The following INPP4B variants were observed in gnomAD, a reference collection of about 807,000 sequenced individuals.
The protein encoded by INPP4B is inositol polyphosphate 4-phosphatase type II.
INPP4B carries 55 observed loss-of-function variants against 122.5 expected under a neutral mutation model. The observed-to-expected ratio is 0.45, with a 90% CI of 0.36 to 0.56. INPP4B has a LOEUF of 0.56. INPP4B is among the 20% of genes least tolerant of loss of function. The pLI, the probability that INPP4B is intolerant of heterozygous loss-of-function variation, is 0.00. For missense variants in INPP4B, 1,000 were observed against 1,097.7 expected, an observed-to-expected ratio of 0.91 and a Z score of 1.26; for synonymous variants, 403 against 388.7, an observed-to-expected ratio of 1.04 and a Z score of -0.43.
At chr4:142,114,184 T>C (rs1791750959) in intron 21 of INPP4B, among the ~76,000 whole-genome samples, 1 of 152,074 alleles carries the variant, frequency 6.6e-6, no homozygotes, top group African/African-American at 2.4e-5. Flanking sequence ...ATTGTATCGA[T>C]ATCACTTTTT....
intron 14 of INPP4B, among the ~76,000 whole-genome samples, chr4:142,205,435 A>T (rs1166870748): frequency 1.3e-5 from 2 of 152,134 alleles, no homozygotes; most frequent in African/African-American, 4.8e-5. Flanking sequence ...TCTTTAAGTC[A>T]TCTTTAATCT....
chr4:142,034,290 T>C (rs1446500316), intron 25 of INPP4B, among the ~76,000 whole-genome samples: 1 of 151,940 alleles, frequency 6.6e-6, no homozygotes, highest in Non-Finnish European at 1.5e-5. Flanking sequence ...GGAGTGGGGG[T>C]ACTGCTACTG....
intron 12 of INPP4B, among the ~76,000 whole-genome samples, chr4:142,226,518 C>T (rs922954486): frequency 6.6e-6 from 1 of 152,254 alleles, no homozygotes; most frequent in East Asian, 1.9e-4. Flanking sequence ...TCTTCCCTTC[C>T]TAAAAGATAA....
At chr4:142,066,361 G>C (rs925902986) in intron 25 of INPP4B, among the ~76,000 whole-genome samples, 1 of 152,182 alleles carries the variant, frequency 6.6e-6, no homozygotes, top group African/African-American at 2.4e-5. Flanking sequence ...TGTTAAAAAT[G>C]TAACAATATC....
rs1768427377 is a variant in INPP4B, at chr4:142,318,007, G to C, written c.373-3245C>G. 2.0e-5 allele frequency among the ~76,000 whole-genome samples: 3 copies of C among 152,146 alleles called. No individual in the cohort carries two copies. In the South Asian group the frequency reaches 6.2e-4, roughly 31 times the overall value. On this transcript the variant is annotated intron_variant, in intron 7 of 25. Transcript: ENST00000262992. ...ATGAGGGAAGGCATTGAATAGTAGA[G>C]TGGCATGATCAGAGCCCTTGACACA... is the stretch of plus-strand genomic sequence containing the variant.
chr4:142,579,743 T>A (rs1734598753), intron 2 of INPP4B, among the ~76,000 whole-genome samples: 1 of 151,606 alleles, frequency 6.6e-6, no homozygotes, highest in Non-Finnish European at 1.5e-5. Context: ...AGAATTAAAC[T>A]CTTAGCTCTC....
intron 2 of INPP4B, among the ~76,000 whole-genome samples, chr4:142,603,559 A>T (rs1303371593): frequency 6.6e-6 from 1 of 152,100 alleles, no homozygotes; most frequent in Non-Finnish European, 1.5e-5. Context: ...AATGAAAAAA[A>T]GATCATCAGA....
intron 1 of INPP4B, among the ~76,000 whole-genome samples, chr4:142,831,045 T>G (rs967708820): frequency 6.6e-6 from 1 of 151,196 alleles, no homozygotes; most frequent in Non-Finnish European, 1.5e-5. Context: ...AAAAAATAGA[T>G]GCAAGAGTGT....
chr4:142,623,328 G>A (rs1745400150), intron 2 of INPP4B, among the ~76,000 whole-genome samples: 1 of 151,868 alleles, frequency 6.6e-6, no homozygotes, highest in African/African-American at 2.4e-5. Context: ...CCTAATTACA[G>A]GAATCTTCCT....
At chr4:142,287,389 A>G (rs1250763026) in intron 9 of INPP4B, 1 of 152,202 alleles carries the variant, frequency 6.6e-6, no homozygotes, top group Admixed American at 6.5e-5. Flanking sequence ...GGAGTTCATA[A>G]GCGTCGGCTG....
At chr4:142,593,534 G>T (rs1288018702) in intron 2 of INPP4B, among the ~76,000 whole-genome samples, 1 of 151,874 alleles carries the variant, frequency 6.6e-6, no homozygotes, top group Non-Finnish European at 1.5e-5. Flanking sequence ...TTTCAATCCT[G>T]TATCAGTCAA....
chr4:142,830,988 C>A (rs960541359), intron 1 of INPP4B, among the ~76,000 whole-genome samples: 3 of 151,736 alleles, frequency 2.0e-5, no homozygotes, highest in Non-Finnish European at 2.9e-5. Context: ...CACCACTGCA[C>A]TCCAGCCTGG....
chr4:142,081,691 T>C lies in INPP4B; in HGVS notation c.2642+340A>G, dbSNP rs796988798. Among the ~76,000 whole-genome samples the C allele has an allele frequency of 2.6e-5, 4 of 152,096 alleles. No homozygotes were observed. In the South Asian group the frequency reaches 6.2e-4, roughly 24 times the overall value. On this transcript the variant is annotated intron_variant, in intron 25 of 25. Transcript: ENST00000262992. Reference sequence around the variant, plus strand: ...AAACTTGCTCTTACAGTGTTATATATGAGATTTTCGGGGCCCCTTAACTTG... The same window carrying C: ...AAACTTGCTCTTACAGTGTTATATACGAGATTTTCGGGGCCCCTTAACTTG...
rs1200701380 is a variant in INPP4B, at chr4:142,537,429, T to TATATATATATATAG, written c.-190-74704_-190-74703insCTATATATATATAT. Among the ~76,000 whole-genome samples the TATATATATATATAG allele has an allele frequency of 2.6e-3, 67 of 25,474 alleles. 1 individual carries two copies. The highest frequency in any genetic ancestry group is 0.038 in the Middle Eastern group (1 of 26). 16.7% of individuals were successfully genotyped at this position (25,474 alleles called of 152,430 possible). A position where few individuals can be genotyped will look rare whatever the true frequency, so the allele number is the denominator to read the frequency against. On this transcript the variant is annotated intron_variant, in intron 2 of 25. Coordinates refer to ENST00000262992, the MANE Select transcript of INPP4B (RefSeq NM_001101669.3). ...ATATATATATATATATATATATATA[T>TATATATATATATAG]AGAGAGAGAGAGAGAGAGAGAGAGA...
intron 3 of INPP4B, among the ~76,000 whole-genome samples, chr4:142,441,131 A>G (rs1811617452): frequency 6.6e-6 from 1 of 152,212 alleles, no homozygotes; most frequent in African/African-American, 2.4e-5. Context: ...AGAGAGTGAC[A>G]TGATCATACG....
chr4:142,044,519 C>T (rs2645812), intron 25 of INPP4B, among the ~76,000 whole-genome samples: 128,562 of 151,986 alleles, frequency 0.85, 55,479 homozygotes, highest in Non-Finnish European at 0.92. Flanking sequence ...ATTTTAGGAA[C>T]AGGGATTAGG....
At position 142,082,097 on chromosome 4, in the gene INPP4B, G is replaced by A. The variant is rs1449992161; in HGVS notation, c.2576C>T (p.Ser859Leu). Reference protein sequence around the residue: ...TSMSVTLEQCSILRDEHQLHK... With the variant: ...TSMSVTLEQCLILRDEHQLHK... The stretch of plus-strand genomic sequence containing the variant: ...TAACTGGTGCTCATCTCTCAAGATT[G>A]AGCATTGTTCAAGTGTCACTGACAT... Residue 859 changes from serine (S) to leucine (L), a missense_variant, in exon 25 of 26, where the codon TCA becomes TTA. Physicochemically the swap from Ser to Leu is moderately radical, Grantham distance 145. Transcript: ENST00000262992. 6.6e-7 allele frequency: 1 copy of A among 1,511,944 alleles called. No individual in the cohort carries two copies. The highest frequency in any genetic ancestry group is 1.7e-5 in the Admixed American group (1 of 59,288). The allele number at this position is 1,511,944 out of a possible 1,614,324, so 93.7% of individuals were successfully genotyped here. A position where few individuals can be genotyped will look rare whatever the true frequency, so the allele number is the denominator to read the frequency against.
chr4:142,369,005 A>T (rs1788684446), intron 7 of INPP4B, among the ~76,000 whole-genome samples: 1 of 151,974 alleles, frequency 6.6e-6, no homozygotes, highest in African/African-American at 2.4e-5. Context: ...GAGGAGGAGG[A>T]GGAGAAGGAG....
chr4:142,466,942 T>C (rs1465815107), intron 2 of INPP4B, among the ~76,000 whole-genome samples: 1 of 152,204 alleles, frequency 6.6e-6, no homozygotes, highest in African/African-American at 2.4e-5. Context: ...TGGTTGCTTC[T>C]ACATGGTGTT....
Sources: allele counts gnomAD v4.1 joint callset (sites outside exome capture counted in the v4.1 genomes callset), GRCh38; gene constraint gnomAD v4.1.1; transcripts MANE v1.5; gene names NCBI Gene and HGNC (gene_info 2026-07-23, HGNC 2026-07-21).